EYS: variants seen among roughly 807,000 people sequenced by gnomAD.
EYS encodes protein eyes shut homolog.
EYS carries 250 observed loss-of-function variants against 282.1 expected under a neutral mutation model. The observed-to-expected ratio is 0.89, with a 90% confidence interval of 0.80 to 0.98. The LOEUF is 0.98. EYS is among the 50% of genes least tolerant of loss of function. The pLI is 0.00. For missense variants in EYS, 4,016 were observed against 3,709.0 expected (o/e 1.08, Z -2.15); for synonymous variants, 1,355 against 1,282.9 (o/e 1.06, Z -1.20).
chr6:64,719,022 T>C (rs1771487113), intron 22 of EYS, among the ~76,000 whole-genome samples: 1 of 152,208 alleles, frequency 6.6e-6, no homozygotes, highest in African/African-American at 2.4e-5. Context: ...TTTCTTAGGA[T>C]GAAGTCAGAA....
intron 23 of EYS, among the ~76,000 whole-genome samples, chr6:64,624,608 A>G (rs1347150414): frequency 6.6e-6 from 1 of 152,208 alleles, no homozygotes; most frequent in Non-Finnish European, 1.5e-5. Flanking sequence ...CAGATGTTCT[A>G]CGTGACCAAA....
intron 24 of EYS, among the ~76,000 whole-genome samples, chr6:64,612,836 T>A (rs1767155237): frequency 1.3e-5 from 2 of 152,088 alleles, no homozygotes; most frequent in Non-Finnish European, 2.9e-5. Context: ...TATGATGACC[T>A]AATTAGTGAA....
intron 35 of EYS, among the ~76,000 whole-genome samples, chr6:63,913,631 T>C (rs1166177582): frequency 6.6e-6 from 1 of 152,254 alleles, no homozygotes; most frequent in Admixed American, 6.5e-5. Context: ...TTTTTAAAGG[T>C]TCATTCATGC....
intron 31 of EYS, among the ~76,000 whole-genome samples, chr6:64,217,122 T>C (rs1411396530): frequency 1.3e-5 from 2 of 152,210 alleles, no homozygotes; most frequent in African/African-American, 4.8e-5. Flanking sequence ...CTTTTATGAT[T>C]AAAAAGTAAG....
chr6:64,538,962 G>A (rs534396819), intron 26 of EYS, among the ~76,000 whole-genome samples: 42 of 152,208 alleles, frequency 2.8e-4, no homozygotes, highest in African/African-American at 9.9e-4. Context: ...GCCCAGATGT[G>A]CTCTAAATTA....
chr6:63,776,159 C>T (rs1770059654), intron 40 of EYS, among the ~76,000 whole-genome samples: 1 of 151,976 alleles, frequency 6.6e-6, no homozygotes, highest in Non-Finnish European at 1.5e-5. Flanking sequence ...TATGAAATCC[C>T]CAGGATATGT....
chr6:65,015,701 A>T (rs1772023181), intron 13 of EYS, among the ~76,000 whole-genome samples: 1 of 151,848 alleles, frequency 6.6e-6, no homozygotes, highest in Non-Finnish European at 1.5e-5. Flanking sequence ...TTTTACAATG[A>T]TGTCATCAAT....
At chr6:65,232,673 G>T (rs62407256) in intron 12 of EYS, among the ~76,000 whole-genome samples, 36,229 of 151,872 alleles carry the variant, frequency 0.24, 4,492 homozygotes, top group Middle Eastern at 0.28. Flanking sequence ...GTCCATACTT[G>T]ATTTAGCTTC....
intron 26 of EYS, among the ~76,000 whole-genome samples, chr6:64,501,263 A>G (rs908783531): frequency 6.6e-6 from 1 of 152,048 alleles, no homozygotes; most frequent in Non-Finnish European, 1.5e-5. Flanking sequence ...ACAAATGTCT[A>G]TTCCATTTAC....
At position 64,912,796 on chromosome 6, in the gene EYS, T is replaced by G. The variant is rs536903869; in HGVS notation, c.2382-53A>C. 11 of 1,207,526 alleles carry G rather than the reference T, an allele frequency of 9.1e-6. 1 individual carries two copies. In the South Asian group the frequency reaches 2.2e-4, roughly 24 times the overall value. The allele number at this position is 1,207,526 out of a possible 1,614,324, so 74.8% of individuals were successfully genotyped here. A position where few individuals can be genotyped will look rare whatever the true frequency, so the allele number is the denominator to read the frequency against. ...AGTGTGAACTCTTTTTCAAGTTTAT[T>G]TTTTGTATTTTTAATTACTCCCTTG... On this transcript the variant is annotated intron_variant, in intron 15 of 42. Transcript: ENST00000503581.
chr6:63,803,119 A>G (rs1770819488), intron 37 of EYS, among the ~76,000 whole-genome samples: 1 of 152,172 alleles, frequency 6.6e-6, no homozygotes, highest in South Asian at 2.1e-4. Flanking sequence ...GCAGTATTTC[A>G]GTATCATGGT....
intron 31 of EYS, among the ~76,000 whole-genome samples, chr6:64,086,014 T>A (rs949501616): frequency 6.6e-6 from 1 of 152,204 alleles, no homozygotes; most frequent in Non-Finnish European, 1.5e-5. Context: ...TTCTGTACTT[T>A]GGCTGTCTTC....
intron 26 of EYS, among the ~76,000 whole-genome samples, chr6:64,585,182 A>G (rs899037794): frequency 2.6e-5 from 4 of 152,084 alleles, no homozygotes; most frequent in Non-Finnish European, 4.4e-5. Context: ...AGGGATACAG[A>G]TTGAGGCCCT....
At chr6:65,021,034 T>C (rs72877814) in intron 13 of EYS, among the ~76,000 whole-genome samples, 10,310 of 152,058 alleles carry the variant, frequency 0.068, 440 homozygotes, top group East Asian at 0.13. Context: ...CCCTTTTAGA[T>C]CTCCAAGCCT....
chr6:65,396,066 C>A lies in EYS; in HGVS notation c.1184+6412G>T, dbSNP rs138464884. Among the ~76,000 whole-genome samples the A allele has an allele frequency of 3.6e-3, 548 of 152,318 alleles. 1 individual carries two copies. Among genetic ancestry groups the A allele is most frequent in the Non-Finnish European group, 6.0e-3 (406 of 68,038 alleles). On this transcript the variant is annotated intron_variant, in intron 7 of 42. Coordinates refer to ENST00000503581, the MANE Select transcript of EYS (RefSeq NM_001142800.2). ...GGCTGTGTAATATTACATGCATACA[C>A]ATGCAAACACATCACATCCTCTTTA...
intron 11 of EYS, among the ~76,000 whole-genome samples, chr6:65,308,027 C>A (rs1769059691): frequency 6.9e-6 from 1 of 145,530 alleles, no homozygotes; most frequent in Non-Finnish European, 1.5e-5. Context: ...GGCTGGAGTG[C>A]AGTGGTGTGA....
intron 13 of EYS, among the ~76,000 whole-genome samples, chr6:65,057,093 T>C (rs761146545): frequency 2.8e-4 from 43 of 152,014 alleles, no homozygotes; most frequent in Non-Finnish European, 5.0e-4. Context: ...CTCAATGAAT[T>C]AGTATCTATA....
intron 41 of EYS, among the ~76,000 whole-genome samples, chr6:63,756,377 A>G: frequency 6.6e-6 from 1 of 152,108 alleles, no homozygotes; most frequent in South Asian, 2.1e-4. Flanking sequence ...GCATCTTTTG[A>G]GATATTCATG....
intron 8 of EYS, among the ~76,000 whole-genome samples, chr6:65,359,941 A>G (rs1427869224): frequency 6.6e-6 from 1 of 151,934 alleles, no homozygotes; most frequent in African/African-American, 2.4e-5. Flanking sequence ...ACACACCTCA[A>G]TTCTCACAGG....
Sources: gnomAD v4.1 joint callset for allele counts (sites outside exome capture counted in the v4.1 genomes callset) on GRCh38, gnomAD v4.1.1 for gene constraint, MANE v1.5 for transcripts, NCBI Gene and HGNC (gene_info 2026-07-23, HGNC 2026-07-21) for gene names.